Variants in MAP3K15 observed in about 807,000 individuals in gnomAD.
The protein encoded by MAP3K15 is mitogen-activated protein kinase kinase kinase 15.
In MAP3K15, 124 loss-of-function variants were observed where a neutral mutation model predicts 99.5. The observed-to-expected ratio is 1.25, with a 90% CI of 1.08 to 1.45. The LOEUF is 1.45. MAP3K15 is among the 40% of genes most tolerant of loss of function. The pLI, the probability that MAP3K15 is intolerant of heterozygous loss-of-function variation, is 0.00. For missense variants in MAP3K15, 1,242 were observed against 1,079.7 expected (o/e 1.15, Z -2.11); for synonymous variants, 494 against 439.6 (o/e 1.12, Z -1.55).
intron 1 of MAP3K15, chrX:19,496,315 C>T (rs931471525): frequency 1.8e-5 from 2 of 111,133 alleles, no homozygotes; most frequent in African/African-American, 3.3e-5. Flanking sequence ...GATCCACCTG[C>T]CTCGGCCCCC....
At chrX:19,395,255 T>A in intron 15 of MAP3K15, 47 bp from the exon 16 acceptor site, 4 of 1,170,540 alleles carry the variant, frequency 3.4e-6, no homozygotes, top group Non-Finnish European at 4.6e-6. Context: ...TCCCAGGGAC[T>A]CTAGAACCAC....
At chrX:19,489,077 C>T (rs1197469917) in intron 1 of MAP3K15, 110 bp from the exon 2 acceptor site, 62 of 700,940 alleles carry the variant, frequency 8.8e-5, no homozygotes, top group Non-Finnish European at 4.1e-5. Context: ...CTGTCATCAG[C>T]CTGTTAGGTA....
chrX:19,408,958 A>C (rs890047601), intron 12 of MAP3K15, among the ~76,000 whole-genome samples: 1 of 112,110 alleles, frequency 8.9e-6, no homozygotes, highest in Admixed American at 9.5e-5. Flanking sequence ...TTTTCATGAG[A>C]CTATAAACTC....
chrX:19,466,358 A>G (rs2147366553), intron 3 of MAP3K15, among the ~76,000 whole-genome samples: 1 of 111,894 alleles, frequency 8.9e-6, no homozygotes, highest in East Asian at 2.8e-4. Flanking sequence ...GTGTCAAGGT[A>G]GAGACCAGGT....
chrX:19,490,815 A>C (rs1484357717), intron 1 of MAP3K15, among the ~76,000 whole-genome samples: 1 of 111,166 alleles, frequency 9.0e-6, no homozygotes, highest in Non-Finnish European at 1.9e-5. Context: ...AGACCTATTC[A>C]AAACAGAGGA....
chrX:19,436,299 C>G (rs753613631), intron 6 of MAP3K15, among the ~76,000 whole-genome samples: 1 of 111,288 alleles, frequency 9.0e-6, no homozygotes, highest in Non-Finnish European at 1.9e-5. Context: ...CCACCACTCC[C>G]TTCTCACTCC....
chrX:19,452,774 G>T (rs2064064998), intron 6 of MAP3K15, among the ~76,000 whole-genome samples: 1 of 112,124 alleles, frequency 8.9e-6, no homozygotes, highest in African/African-American at 3.2e-5. Context: ...CGGCCCATAT[G>T]GTCCATGATG....
In MAP3K15 at chrX:19,374,587, C is replaced by T. The variant is rs2063404477; in HGVS notation, c.2663G>A (p.Cys888Tyr). Residue 888 changes from cysteine (C) to tyrosine (Y), a missense_variant, in exon 20 of 29, where the codon TGT (cysteine) becomes TAT (tyrosine). Coordinates refer to ENST00000338883, the MANE Select transcript of MAP3K15 (RefSeq NM_001001671.4). Reference protein sequence around the residue: ...SAEARAFILSCFEPDPHKRAT... With the variant: ...SAEARAFILSYFEPDPHKRAT... ...ACGTTTGTGGGGGTCAGGCTCGAAACAGGATAAAATGAAGGCTCGGGCTTC... is the reference window on the plus strand; with the variant it reads ...ACGTTTGTGGGGGTCAGGCTCGAAATAGGATAAAATGAAGGCTCGGGCTTC... 8.3e-7 allele frequency: 1 copy of T among 1,211,656 alleles called. No homozygotes were observed. Among genetic ancestry groups the T allele is most frequent in the Non-Finnish European group, 1.1e-6 (1 of 895,426 alleles).
At chrX:19,439,151 C>T (rs1468351738) in intron 6 of MAP3K15, among the ~76,000 whole-genome samples, 1 of 111,042 alleles carries the variant, frequency 9.0e-6, no homozygotes, top group Non-Finnish European at 1.9e-5. Flanking sequence ...GAGTAGAGGT[C>T]GTGCCACCGG....
chrX:19,366,024 A>C (rs1056731788), intron 25 of MAP3K15, among the ~76,000 whole-genome samples: 21 of 105,163 alleles, frequency 2.0e-4, no homozygotes, highest in African/African-American at 7.0e-4. Context: ...AAAAAAAAAA[A>C]AAAAAAAGAC....
In MAP3K15 at chrX:19,451,007, C is replaced by T. The variant is rs1198278446; in HGVS notation, c.995+5906G>A. Among the ~76,000 whole-genome samples the T allele has an allele frequency of 8.2e-5, 9 of 109,158 alleles. No individual in the cohort carries two copies. The East Asian group carries it at 2.5e-3, about 31-fold the overall frequency. The allele number at this position is 109,158 out of a possible 115,157, so 94.8% of individuals were successfully genotyped here. On this transcript the variant is annotated intron_variant, in intron 6 of 28. Coordinates refer to ENST00000338883, the MANE Select transcript of MAP3K15 (RefSeq NM_001001671.4). ...GGATTAGATAAATGAGACATCCGGC[C>T]GGGTGCAGTGGCTCACGCCTGTAAC...
At chrX:19,428,159 T>G (rs1236092757) in intron 7 of MAP3K15, among the ~76,000 whole-genome samples, 1 of 111,618 alleles carries the variant, frequency 9.0e-6, no homozygotes, top group African/African-American at 3.3e-5. Context: ...CCCTGAGCCA[T>G]ATGCTCCGTG....
At chrX:19,511,642 G>A (rs1033791954) in intron 1 of MAP3K15, among the ~76,000 whole-genome samples, 1 of 112,139 alleles carries the variant, frequency 8.9e-6, no homozygotes. Context: ...CAGTTAGAAT[G>A]GCGATCATTA....
chrX:19,467,877 T>A (rs1243740611), intron 3 of MAP3K15, among the ~76,000 whole-genome samples: 1 of 110,934 alleles, frequency 9.0e-6, no homozygotes, highest in Non-Finnish European at 1.9e-5. Flanking sequence ...CCAAGAATGC[T>A]GAAACTTGAT....
At chrX:19,363,194 G>A (rs1023379289) in intron 25 of MAP3K15, among the ~76,000 whole-genome samples, 13 of 111,992 alleles carry the variant, frequency 1.2e-4, no homozygotes, top group African/African-American at 3.6e-4. Flanking sequence ...GTTAGGAGAC[G>A]GAGCTTTGAG....
intron 6 of MAP3K15, among the ~76,000 whole-genome samples, chrX:19,442,694 T>A (rs1290030421): frequency 9.9e-6 from 1 of 101,285 alleles, no homozygotes; most frequent in East Asian, 2.9e-4. Flanking sequence ...TGGCTTTTAT[T>A]TTATTATTAT....
intron 6 of MAP3K15, among the ~76,000 whole-genome samples, chrX:19,453,303 C>A (rs901155568): frequency 2.7e-5 from 3 of 109,733 alleles, no homozygotes; most frequent in Admixed American, 9.8e-5. Flanking sequence ...GAGTTTGAGA[C>A]CAGCCTGGCC....
intron 1 of MAP3K15, among the ~76,000 whole-genome samples, chrX:19,513,823 A>G (rs2064537363): frequency 9.0e-6 from 1 of 111,215 alleles, no homozygotes; most frequent in Admixed American, 9.5e-5. Flanking sequence ...GAGGTTTGTC[A>G]CCAAAGGTGC....
intron 13 of MAP3K15, among the ~76,000 whole-genome samples, chrX:19,406,199 C>T (rs1290168442): frequency 6.2e-5 from 7 of 112,030 alleles, no homozygotes; most frequent in East Asian, 2.8e-4. Flanking sequence ...AAAGGTTAAA[C>T]GTAGAGTTAC....
Sources: allele counts gnomAD v4.1 joint callset (sites outside exome capture counted in the v4.1 genomes callset), GRCh38; gene constraint gnomAD v4.1.1; transcripts MANE v1.5; gene names NCBI Gene and HGNC (gene_info 2026-07-23, HGNC 2026-07-21).